The following KCNH8 variants were observed in gnomAD, a reference collection of about 807,000 sequenced individuals.
KCNH8 encodes potassium voltage-gated channel subfamily H member 8.
In KCNH8, 70 loss-of-function variants were observed where a neutral mutation model predicts 103.6. The ratio of observed to expected loss-of-function variants is 0.68; its 90% CI spans 0.56 to 0.82. The LOEUF (loss-of-function observed/expected upper bound fraction) is 0.82. Among genes scored for constraint, KCNH8 ranks in the 40% least tolerant of loss-of-function variants. The pLI, the probability that KCNH8 is intolerant of heterozygous loss-of-function variation, is 0.00. For synonymous variants in KCNH8, 498 were observed against 489.4 expected (o/e 1.02, Z -0.23); for missense variants, 1,217 against 1,329.9 (o/e 0.92, Z 1.32).
rs562530145 is a variant in KCNH8 at position 19,329,492 on chromosome 3, A to G, written c.443-13095A>G. On this transcript the variant is annotated intron_variant, in intron 3 of 15. Transcript: ENST00000328405. ...TTATATTTAGAAATGACCACATTTG[A>G]TATTTTAGGATATTTTTCTAGGTTT... 3.0e-4 allele frequency among the ~76,000 whole-genome samples: 44 copies of G among 145,064 alleles called. No homozygotes were observed. In the South Asian group the frequency reaches 0.01, roughly 34 times the overall value.
chr3:19,317,114 A>G (rs1044125495), intron 3 of KCNH8, among the ~76,000 whole-genome samples: 1 of 151,844 alleles, frequency 6.6e-6, no homozygotes, highest in Non-Finnish European at 1.5e-5. Flanking sequence ...TTTAACTTCT[A>G]TAAGCAAAAG....
At chr3:19,150,680 G>A (rs2063120172) in intron 1 of KCNH8, among the ~76,000 whole-genome samples, 1 of 152,130 alleles carries the variant, frequency 6.6e-6, no homozygotes, top group South Asian at 2.1e-4. Flanking sequence ...CTTTTTCTAT[G>A]TTGGCTACAC....
At chr3:19,488,602 T>C (rs1370897088) in intron 11 of KCNH8, among the ~76,000 whole-genome samples, 1 of 152,186 alleles carries the variant, frequency 6.6e-6, no homozygotes, top group Non-Finnish European at 1.5e-5. Flanking sequence ...CCCCTTTTTC[T>C]TGGATGACCT....
At position 19,301,922 on chromosome 3, in the gene KCNH8, CAAATT is replaced by C. The variant is rs560861064; in HGVS notation, c.442+20597_442+20601del. On this transcript the variant is annotated intron_variant, in intron 3 of 15. Coordinates refer to ENST00000328405, the MANE Select transcript of KCNH8 (RefSeq NM_144633.3). The stretch of plus-strand genomic sequence containing the variant: ...ATTTTAAAGGATACAAATGAACAGA[CAAATT>C]AAAAGGTCCAGAAGGGTCCTGAGCA... 3.7e-4 allele frequency among the ~76,000 whole-genome samples: 56 copies of C among 152,262 alleles called. No homozygotes were observed. In the East Asian group the frequency reaches 9.6e-3, roughly 26 times the overall value.
chr3:19,413,689 G>A (rs990501383), intron 7 of KCNH8, among the ~76,000 whole-genome samples: 1 of 151,934 alleles, frequency 6.6e-6, no homozygotes, highest in Non-Finnish European at 1.5e-5. Flanking sequence ...CTTTGATCTC[G>A]GACTTCCAGC....
At chr3:19,467,870 G>C (rs893068320) in intron 11 of KCNH8, among the ~76,000 whole-genome samples, 7 of 152,012 alleles carry the variant, frequency 4.6e-5, no homozygotes, top group African/African-American at 1.7e-4. Context: ...GTCATCTGAT[G>C]CCATCTTGCC....
intron 11 of KCNH8, 62 bp from the exon 12 acceptor site, chr3:19,510,301 T>A (rs1575159725): frequency 9.9e-7 from 1 of 1,010,830 alleles, no homozygotes; most frequent in East Asian, 2.4e-5. Context: ...CCTGCTGCAT[T>A]TCACCCAGTC....
At chr3:19,369,122 A>G (rs2066052373) in intron 5 of KCNH8, among the ~76,000 whole-genome samples, 1 of 152,092 alleles carries the variant, frequency 6.6e-6, no homozygotes, top group Non-Finnish European at 1.5e-5. Context: ...TTTGGAAATT[A>G]GGTATAAACA....
At chr3:19,295,059 A>G (rs2064977823) in intron 3 of KCNH8, among the ~76,000 whole-genome samples, 1 of 152,106 alleles carries the variant, frequency 6.6e-6, no homozygotes, top group African/African-American at 2.4e-5. Flanking sequence ...TTTGCAATTA[A>G]ATGACCAATT....
At chr3:19,512,564 A>G (rs2068800568) in intron 12 of KCNH8, among the ~76,000 whole-genome samples, 1 of 152,172 alleles carries the variant, frequency 6.6e-6, no homozygotes, top group Non-Finnish European at 1.5e-5. Flanking sequence ...GTAATTTTAA[A>G]TAACAAGGCC....
intron 11 of KCNH8, among the ~76,000 whole-genome samples, chr3:19,496,945 A>C (rs992336258): frequency 6.6e-6 from 1 of 151,974 alleles, no homozygotes; most frequent in Non-Finnish European, 1.5e-5. Flanking sequence ...CCAGGAATTT[A>C]TCAGGTTCTT....
intron 11 of KCNH8, among the ~76,000 whole-genome samples, chr3:19,484,123 T>C (rs918694238): frequency 2.0e-5 from 3 of 152,198 alleles, no homozygotes; most frequent in African/African-American, 7.2e-5. Flanking sequence ...TTCTGGCTAA[T>C]ACTTTACTTG....
chr3:19,534,065 C>A lies in KCNH8; in HGVS notation c.3290C>A (p.Ala1097Glu), dbSNP rs2125256685. 1 of 1,613,932 alleles carries A rather than the reference C, an allele frequency of 6.2e-7. No individual in the cohort carries two copies. The highest frequency in any genetic ancestry group is 8.5e-7 in the Non-Finnish European group (1 of 1,179,890). The change falls in exon 16 of 16, where the codon GCA becomes GAA. Residue 1097 changes from alanine to glutamate, a missense_variant. By Grantham distance (107) the Ala-to-Glu change is moderately radical (BLOSUM62 -1). Coordinates refer to ENST00000328405, the MANE Select transcript of KCNH8 (RefSeq NM_144633.3). The stretch of plus-strand genomic sequence containing the variant: ...CCACTGGAAGTTGTCACAAGCACAG[C>A]AGAAGTGAAAGATAACAAAGCCATA... ...NLPLEVVTST[A>E]EVKDNKAINV
chr3:19,346,417 C>A (rs2065730379), intron 4 of KCNH8, among the ~76,000 whole-genome samples: 1 of 151,952 alleles, frequency 6.6e-6, no homozygotes, highest in Non-Finnish European at 1.5e-5. Context: ...CATTTAAGGA[C>A]CATCTGGAAG....
In KCNH8 at chr3:19,170,789, C is replaced by CATAT. The variant is rs35694087; in HGVS notation, c.76+22013_76+22016dup. On this transcript the variant is annotated intron_variant, in intron 1 of 15. Transcript: ENST00000328405. Reference sequence around the variant, plus strand: ...ACATATATATACACACACACACACACATATATATATATATATATATATTTT... The same window carrying CATAT: ...ACATATATATACACACACACACACACATATATATATATATATATATATATATTTT... Among the ~76,000 whole-genome samples, 71 of 108,002 alleles carry CATAT rather than the reference C, an allele frequency of 6.6e-4. 1 individual carries two copies. The East Asian group carries it at 8.4e-3, about 13-fold the overall frequency. The allele number at this position is 108,002 out of a possible 152,430, so 70.9% of individuals were successfully genotyped here.
At position 19,395,284 on chromosome 3, in the gene KCNH8, G is replaced by A; in HGVS notation, c.1150G>A (p.Asp384Asn). The change falls in exon 7 of 16, where the codon GAC (aspartate) becomes AAC (asparagine). Residue 384 changes from aspartate (D) to asparagine (N), a missense_variant. This residue lies in a region of KCNH8 where 415 missense variants were observed against 577.4 expected (regional missense o/e 0.72). Transcript: ENST00000328405. ...CGTCATTGGAAAAATGGAGAGGGAAGACAACAGCCTTCTGAAGTGGGAAGT... is the reference window on the plus strand; with the variant it reads ...CGTCATTGGAAAAATGGAGAGGGAAAACAACAGCCTTCTGAAGTGGGAAGT... Reference protein sequence around the residue: ...WYVIGKMEREDNSLLKWEVGW... With the variant: ...WYVIGKMERENNSLLKWEVGW... 1.9e-6 allele frequency: 3 copies of A among 1,610,514 alleles called. No individual in the cohort carries two copies. Among genetic ancestry groups the A allele is most frequent in the African/African-American group, 1.3e-5 (1 of 74,762 alleles).
chr3:19,412,976 A>C (rs1401528108), intron 7 of KCNH8, among the ~76,000 whole-genome samples: 1 of 152,078 alleles, frequency 6.6e-6, no homozygotes, highest in Admixed American at 6.6e-5. Context: ...AAGAATTTAA[A>C]ACAGAACTAC....
At chr3:19,297,952 A>G (rs1350911166) in intron 3 of KCNH8, among the ~76,000 whole-genome samples, 3 of 152,326 alleles carry the variant, frequency 2.0e-5, no homozygotes, top group South Asian at 2.1e-4. Context: ...TTAATCACCT[A>G]TGTTAAATAA....
chr3:19,156,663 GT>G (rs1458349833), intron 1 of KCNH8, among the ~76,000 whole-genome samples: 8 of 152,026 alleles, frequency 5.3e-5, no homozygotes, highest in Admixed American at 5.2e-4. Context: ...AGATTTTTCT[GT>G]TTAGAATTTG....
Sources: gnomAD v4.1 joint callset for allele counts (sites outside exome capture counted in the v4.1 genomes callset) on GRCh38, gnomAD v4.1.1 for gene constraint, gnomAD v4.1.1 regional missense constraint, MANE v1.5 for transcripts, NCBI Gene and HGNC (gene_info 2026-07-23, HGNC 2026-07-21) for gene names.